LIAS: variants seen among roughly 807,000 people sequenced by gnomAD.
LIAS encodes the protein lipoic acid synthetase.
LIAS carries 36 observed loss-of-function variants against 49.4 expected under a neutral mutation model. The ratio of observed to expected loss-of-function variants is 0.73; its 90% CI spans 0.56 to 0.96. The LOEUF is 0.96. Ranked by LOEUF, LIAS falls within the 40% of genes least tolerant of loss-of-function variation. The pLI, the probability that LIAS is intolerant of heterozygous loss-of-function variation, is 0.00. For missense variants in LIAS, 399 were observed against 456.3 expected, an observed-to-expected ratio of 0.87 and a Z score of 1.14; for synonymous variants, 145 against 155.8, an observed-to-expected ratio of 0.93 and a Z score of 0.52.
intron 10 of LIAS, chr4:39,476,001 A>G (rs889061687): frequency 2.0e-5 from 3 of 152,250 alleles, no homozygotes; most frequent in Non-Finnish European, 4.4e-5. Context: ...GAAAACCAGT[A>G]ATTGTAAGTG....
At position 39,467,549 on chromosome 4, in the gene LIAS, C is replaced by A; in HGVS notation, c.640C>A (p.Pro214Thr). Reference sequence around the variant, plus strand: ...AAAAATCCTTGTGGAGTGTCTTACTCCTGATTTTCGAGGTGATCTCAAAGC... The same window carrying A: ...AAAAATCCTTGTGGAGTGTCTTACTACTGATTTTCGAGGTGATCTCAAAGC... ...NPKILVECLT[P>T]DFRGDLKAIE... Residue 214 changes from proline to threonine, a missense_variant, in exon 7 of 11, where the codon CCT becomes ACT. Pro to Thr is a conservative substitution (Grantham distance 38). Coordinates refer to ENST00000640888, the MANE Select transcript of LIAS (RefSeq NM_006859.4). 6.2e-7 allele frequency: 1 copy of A among 1,607,052 alleles called. No individual in the cohort carries two copies. The highest frequency in any genetic ancestry group is 1.1e-5 in the South Asian group (1 of 90,092).
chr4:39,473,823 A>G (rs1745078969), intron 10 of LIAS: 2 of 152,240 alleles, frequency 1.3e-5, no homozygotes, highest in Admixed American at 6.5e-5. Context: ...GAATTGATTT[A>G]TGAAAAGAAA....
intron 10 of LIAS, among the ~76,000 whole-genome samples, chr4:39,474,166 G>A (rs1745095794): frequency 6.6e-6 from 1 of 151,710 alleles, no homozygotes; most frequent in African/African-American, 2.4e-5. Context: ...GGGAGGCTGA[G>A]GCAGCAGAAT....
chr4:39,463,672 C>A, intron 4 of LIAS, 67 bp downstream of exon 4: 1 of 1,509,980 alleles, frequency 6.6e-7, no homozygotes, highest in South Asian at 1.3e-5. Flanking sequence ...GTGTCTTCCT[C>A]CTAAAAATGT....
chr4:39,460,047 A>G (rs1401539600), intron 1 of LIAS, among the ~76,000 whole-genome samples: 1 of 152,200 alleles, frequency 6.6e-6, no homozygotes, highest in Non-Finnish European at 1.5e-5. Context: ...TTATTAACCT[A>G]CGTTTCAACA....
At chr4:39,465,404 A>G in intron 6 of LIAS, 62 bp downstream of exon 6, 1 of 1,375,328 alleles carries the variant, frequency 7.3e-7, no homozygotes, top group South Asian at 1.3e-5. Flanking sequence ...GTTAAGTTTA[A>G]GTTCATTACC....
intron 7 of LIAS, 176 bp downstream of exon 7, chr4:39,467,822 C>T (rs1359453264): frequency 1.3e-5 from 6 of 452,886 alleles, no homozygotes; most frequent in Non-Finnish European, 2.2e-5. Context: ...AAAATATCAC[C>T]AACAAAATCA....
Position 39,478,931 on chromosome 4 carries a change from G to C in LIAS, c.*1816G>C, listed in dbSNP as rs1745300524. The C allele has an allele frequency of 6.6e-6, 1 of 152,200 alleles. No individual in the cohort carries two copies. The highest frequency in any genetic ancestry group is 2.4e-5 in the African/African-American group (1 of 41,442). The allele number at this position is 152,200 out of a possible 1,614,324, so 9.4% of individuals were successfully genotyped here. ...ATAAAAGTAATGCACATCCTTGCCA[G>C]GTGTGGTGGCTCACGCCTGTAATCC... On this transcript the variant is annotated 3_prime_UTR_variant, in exon 11 of 11. Transcript: ENST00000640888.
rs1226009262 is a variant in LIAS, at chr4:39,479,307, G to A, written c.*2192G>A. Reference sequence around the variant, plus strand: ...GAGGCAGGTGGATCACCTGAGGTCAGGAGTTTGAGACCAGCCTGAACAACA... The same window carrying A: ...GAGGCAGGTGGATCACCTGAGGTCAAGAGTTTGAGACCAGCCTGAACAACA... On this transcript the variant is annotated 3_prime_UTR_variant, in exon 11 of 11. Coordinates refer to ENST00000640888, the MANE Select transcript of LIAS (RefSeq NM_006859.4). 1 of 151,856 alleles carries A rather than the reference G, an allele frequency of 6.6e-6. No individual in the cohort carries two copies. Among genetic ancestry groups the A allele is most frequent in the Non-Finnish European group, 1.5e-5 (1 of 68,010 alleles). 9.4% of individuals were successfully genotyped at this position (151,856 alleles called of 1,614,324 possible).
At position 39,471,176 on chromosome 4, in the gene LIAS, T is replaced by A. The variant is rs73137454; in HGVS notation, c.884-60T>A. The A allele has an allele frequency of 0.065, 82,459 of 1,268,072 alleles. 3,084 individuals carry two copies. The highest frequency in any genetic ancestry group is 0.13 in the African/African-American group (9,072 of 68,146). The allele number at this position is 1,268,072 out of a possible 1,614,324, so 78.6% of individuals were successfully genotyped here. ...CGTTTTTAAATATTCCTTAGGAAAA[T>A]TATGCTTAGATCTACAATTAAAGTA... On this transcript the variant is annotated intron_variant, in intron 8 of 10. Coordinates refer to ENST00000640888, the MANE Select transcript of LIAS (RefSeq NM_006859.4).
At position 39,459,102 on chromosome 4, in the gene LIAS, T is replaced by C. The variant is rs755691859; in HGVS notation, c.-16T>C. The stretch of plus-strand genomic sequence containing the variant: ...CGATCCCTCAACCCCTGCACTGCGC[T>C]AGTCCTAAAGAGGAAATGTCTCTAC... On this transcript the variant is annotated 5_prime_UTR_variant, in exon 1 of 11. Coordinates refer to ENST00000640888, the MANE Select transcript of LIAS (RefSeq NM_006859.4). 5.0e-6 allele frequency: 8 copies of C among 1,614,110 alleles called. No individual in the cohort carries two copies. The East Asian group carries it at 1.6e-4, about 31-fold the overall frequency.
rs143267758 is a variant in LIAS, at chr4:39,459,145, C to A, written c.28C>A (p.Arg10Ser). MSLRCGDAARTLGPRVFGRY... is the reference protein window; with the variant it reads MSLRCGDAASTLGPRVFGRY... ...GTCTCTACGCTGCGGGGATGCAGCC[C>A]GCACCCTGGGGCCCCGGGTGAGCGG... The change falls in exon 1 of 11, where the codon CGC becomes AGC. Residue 10 changes from arginine (R) to serine (S), a missense_variant. Coordinates refer to ENST00000640888, the MANE Select transcript of LIAS (RefSeq NM_006859.4). 5.0e-6 allele frequency: 8 copies of A among 1,613,532 alleles called. No homozygotes were observed. Among genetic ancestry groups the A allele is most frequent in the Non-Finnish European group, 6.8e-6 (8 of 1,179,994 alleles).
In LIAS at chr4:39,459,059, T is replaced by G; in HGVS notation, c.-59T>G. ...AATGGAGCGACGTAATTTCGACCTG[T>G]CCTTTCCCGGGAGTTAGCGATCCCT... On this transcript the variant is annotated 5_prime_UTR_variant, in exon 1 of 11. Transcript: ENST00000640888. 6.3e-7 allele frequency: 1 copy of G among 1,590,764 alleles called. No individual in the cohort carries two copies. Among genetic ancestry groups the G allele is most frequent in the Non-Finnish European group, 8.6e-7 (1 of 1,158,722 alleles).
rs912582866 is a variant in LIAS at position 39,477,232 on chromosome 4, A to G, written c.*117A>G. On this transcript the variant is annotated 3_prime_UTR_variant, in exon 11 of 11. Transcript: ENST00000640888. ...GATGTGCCCCACCTCTTTGCTTAAA[A>G]AAAAAAATGTCAATAGCCAGGCATA... 2.6e-6 allele frequency: 2 copies of G among 764,450 alleles called. No individual in the cohort carries two copies. The highest frequency in any genetic ancestry group is 4.3e-6 in the Non-Finnish European group (2 of 466,350). 47.4% of individuals were successfully genotyped at this position (764,450 alleles called of 1,614,324 possible).
intron 8 of LIAS, 117 bp from the exon 9 acceptor site, chr4:39,471,119 A>C: frequency 1.4e-6 from 1 of 707,628 alleles, no homozygotes; most frequent in Admixed American, 2.3e-5. Context: ...ATTCCCCAAC[A>C]TGAAGATTAT....
intron 3 of LIAS, among the ~76,000 whole-genome samples, chr4:39,462,615 C>G (rs1042941830): frequency 2.0e-5 from 3 of 152,226 alleles, no homozygotes; most frequent in African/African-American, 7.2e-5. Context: ...TTACCTTTAA[C>G]TCTTCAGTAT....
rs372423537 is a variant in LIAS at position 39,463,612 on chromosome 4, C to T, written c.393+7C>T. ...CGCCACAGCCACGATCATGGTAGGG[C>T]CAGCCTCAACCTCTATGGCTTTAGT... On this transcript the variant is annotated splice_region_variant and intron_variant, in intron 4 of 10. Coordinates refer to ENST00000640888, the MANE Select transcript of LIAS (RefSeq NM_006859.4). 6.8e-6 allele frequency: 11 copies of T among 1,610,408 alleles called. No homozygotes were observed. The African/African-American group carries it at 1.5e-4, about 22-fold the overall frequency.
intron 7 of LIAS, chr4:39,467,876 G>A (rs892106721): frequency 4.3e-6 from 1 of 230,384 alleles, no homozygotes; most frequent in Non-Finnish European, 8.4e-6. Context: ...AGCAATATCA[G>A]TTACTAACAC....
intron 3 of LIAS, among the ~76,000 whole-genome samples, chr4:39,462,866 A>G (rs1417799027): frequency 2.0e-5 from 3 of 152,226 alleles, no homozygotes; most frequent in African/African-American, 7.2e-5. Context: ...GTGAGCCTGT[A>G]GTCCCAGCTA....
Sources: gnomAD v4.1 joint callset for allele counts (sites outside exome capture counted in the v4.1 genomes callset) on GRCh38, gnomAD v4.1.1 for gene constraint, MANE v1.5 for transcripts, NCBI Gene and HGNC (gene_info 2026-07-23, HGNC 2026-07-21) for gene names.